The following DIP2B variants were observed in gnomAD, a reference collection of about 807,000 sequenced individuals.
DIP2B encodes the protein DIP2 acetate--CoA ligase B (putative).
In DIP2B, 76 loss-of-function variants were observed where a neutral mutation model predicts 198.0. The ratio of observed to expected loss-of-function variants is 0.38; its 90% CI spans 0.32 to 0.46. The LOEUF (loss-of-function observed/expected upper bound fraction) is 0.46, where lower values mean the gene tolerates loss of function less well. DIP2B is among the 20% of genes least tolerant of loss of function. The pLI is 0.99. For missense variants in DIP2B, 1,559 were observed against 1,978.4 expected (o/e 0.79, Z 4.02); for synonymous variants, 701 against 739.1 (o/e 0.95, Z 0.84).
rs763236143 is a variant in DIP2B, at chr12:50,671,196, G to A, written c.438G>A (p.Ser146=). ...ADACTPPDTS[S]ASEDEGSLRR... ...TCTAATTCCACACAGACACATCTTC[G>A]GCCTCTGAGGATGAGGGCTCTCTGA... Residue 146 remains serine (S), a synonymous_variant, in exon 5 of 38, where the codon TCG becomes TCA. Coordinates refer to ENST00000301180, the MANE Select transcript of DIP2B (RefSeq NM_173602.3). 33 of 1,613,848 alleles carry A rather than the reference G, an allele frequency of 2.0e-5. No individual in the cohort carries two copies. Among genetic ancestry groups the A allele is most frequent in the Non-Finnish European group, 2.5e-5 (30 of 1,180,016 alleles).
At chr12:50,628,144 G>A (rs1268598182) in intron 2 of DIP2B, among the ~76,000 whole-genome samples, 1 of 152,158 alleles carries the variant, frequency 6.6e-6, no homozygotes, top group Non-Finnish European at 1.5e-5. Flanking sequence ...GCCGAGGCGG[G>A]TGGATCACAT....
intron 3 of DIP2B, among the ~76,000 whole-genome samples, chr12:50,641,838 GTC>G (rs1938262316): frequency 6.6e-6 from 1 of 152,194 alleles, no homozygotes. Context: ...ACCAAGAGTA[GTC>G]TCTGCAGCAC....
At chr12:50,541,487 A>T (rs1218781648) in intron 1 of DIP2B, among the ~76,000 whole-genome samples, 1 of 151,544 alleles carries the variant, frequency 6.6e-6, no homozygotes, top group Admixed American at 6.6e-5. Context: ...AGAAACAGAG[A>T]TAGAAAATGT....
chr12:50,732,638 C>G lies in DIP2B; in HGVS notation c.3981+102C>G, dbSNP rs781133394. The G allele has an allele frequency of 2.1e-6, 3 of 1,428,798 alleles. No homozygotes were observed. The African/African-American group carries it at 4.2e-5, about 20-fold the overall frequency. 88.5% of individuals were successfully genotyped at this position (1,428,798 alleles called of 1,614,324 possible). A position where few individuals can be genotyped will look rare whatever the true frequency, so the allele number is the denominator to read the frequency against. ...AGGCTGCCTGGGCTTGGGCCCCAGC[C>G]GCACTTACTTGCTTTGGAACTTCGG... On this transcript the variant is annotated intron_variant, in intron 32 of 37. Coordinates refer to ENST00000301180, the MANE Select transcript of DIP2B (RefSeq NM_173602.3).
At chr12:50,679,143 A>AT in intron 8 of DIP2B, 1 of 406,102 alleles carries the variant, frequency 2.5e-6, no homozygotes, top group East Asian at 4.8e-5. Flanking sequence ...TTACAAGAGG[A>AT]TTTTAGAAAA....
intron 1 of DIP2B, among the ~76,000 whole-genome samples, chr12:50,604,793 A>C (rs1326338208): frequency 6.6e-6 from 1 of 152,098 alleles, no homozygotes; most frequent in African/African-American, 2.4e-5. Context: ...CAGTTCTTTG[A>C]ATTTTTTATA....
At chr12:50,544,196 C>G (rs1958354728) in intron 1 of DIP2B, among the ~76,000 whole-genome samples, 1 of 149,454 alleles carries the variant, frequency 6.7e-6, no homozygotes, top group East Asian at 2.0e-4. Context: ...GCCACTCCAG[C>G]CTGGTGACAG....
intron 4 of DIP2B, among the ~76,000 whole-genome samples, chr12:50,660,549 A>C (rs112492008): frequency 4.7e-4 from 71 of 152,250 alleles, no homozygotes; most frequent in African/African-American, 1.7e-3. Context: ...TTTCCTTCTG[A>C]ATTTCCAGTC....
intron 12 of DIP2B, 165 bp downstream of exon 12, chr12:50,686,847 A>G (rs953744059): frequency 1.2e-5 from 7 of 573,104 alleles, no homozygotes; most frequent in African/African-American, 3.8e-5. Flanking sequence ...TGGATCTTCT[A>G]TCCTAATTAT....
At chr12:50,646,683 A>G (rs1330603646) in intron 3 of DIP2B, among the ~76,000 whole-genome samples, 2 of 152,226 alleles carry the variant, frequency 1.3e-5, no homozygotes, top group East Asian at 1.9e-4. Flanking sequence ...TGGCCTCTCA[A>G]TGTGCTGGGA....
intron 1 of DIP2B, among the ~76,000 whole-genome samples, chr12:50,536,269 G>A (rs141466636): frequency 8.9e-5 from 5 of 56,322 alleles, no homozygotes; most frequent in Non-Finnish European, 1.5e-4. Flanking sequence ...TACTAAATAC[G>A]TGCATACATA....
intron 1 of DIP2B, among the ~76,000 whole-genome samples, chr12:50,552,457 G>A (rs1406036169): frequency 4.0e-5 from 6 of 151,814 alleles, no homozygotes; most frequent in African/African-American, 2.4e-5. Flanking sequence ...TAGTAGAGAC[G>A]GGGTTTCACT....
chr12:50,537,626 G>C (rs1434317655), intron 1 of DIP2B, among the ~76,000 whole-genome samples: 1 of 152,170 alleles, frequency 6.6e-6, no homozygotes, highest in African/African-American at 2.4e-5. Flanking sequence ...TGGAGCTGTT[G>C]AAGGATTTGG....
At chr12:50,582,815 G>GA (rs1410614661) in intron 1 of DIP2B, among the ~76,000 whole-genome samples, 4 of 152,236 alleles carry the variant, frequency 2.6e-5, no homozygotes, top group African/African-American at 9.6e-5. Context: ...GCTAGTCAGT[G>GA]GTCGTGTTTC....
chr12:50,594,699 G>A, intron 1 of DIP2B, among the ~76,000 whole-genome samples: 1 of 151,990 alleles, frequency 6.6e-6, no homozygotes, highest in East Asian at 1.9e-4. Flanking sequence ...TGTCAAATAG[G>A]AAAAAGTCAT....
intron 1 of DIP2B, among the ~76,000 whole-genome samples, chr12:50,548,126 T>C (rs929409410): frequency 1.3e-5 from 2 of 152,100 alleles, no homozygotes; most frequent in African/African-American, 4.8e-5. Context: ...GAAAAACGCA[T>C]TGATTTTAGT....
At chr12:50,688,711 A>G (rs1338434487) in intron 12 of DIP2B, among the ~76,000 whole-genome samples, 2 of 152,180 alleles carry the variant, frequency 1.3e-5, no homozygotes, top group African/African-American at 2.4e-5. Flanking sequence ...TCAGCTCTCA[A>G]TCTATGTCAT....
intron 22 of DIP2B, among the ~76,000 whole-genome samples, chr12:50,712,765 G>A (rs376871086): frequency 2.6e-5 from 4 of 151,852 alleles, no homozygotes; most frequent in Admixed American, 1.3e-4. Context: ...AAAATTAGCC[G>A]GGCTTGGTGG....
intron 4 of DIP2B, among the ~76,000 whole-genome samples, chr12:50,667,697 TAGTC>T (rs533283166): frequency 7.2e-4 from 109 of 152,322 alleles, no homozygotes; most frequent in African/African-American, 5.8e-4. Context: ...TACCAACTGT[TAGTC>T]AGTTTCTGCT....
Sources: allele counts gnomAD v4.1 joint callset (sites outside exome capture counted in the v4.1 genomes callset), GRCh38; gene constraint gnomAD v4.1.1; transcripts MANE v1.5; gene names NCBI Gene and HGNC (gene_info 2026-07-23, HGNC 2026-07-21).